The following GFRA1 variants were observed in gnomAD, a reference collection of about 807,000 sequenced individuals.
The protein encoded by GFRA1 is GDNF family receptor alpha 1.
In GFRA1, 16 loss-of-function variants were observed where a neutral mutation model predicts 51.6. The ratio of observed to expected loss-of-function variants is 0.31; its 90% CI spans 0.21 to 0.47. The LOEUF (loss-of-function observed/expected upper bound fraction) is 0.47. Among genes scored for constraint, GFRA1 ranks in the 20% least tolerant of loss-of-function variants. The pLI, the probability that GFRA1 is intolerant of heterozygous loss-of-function variation, is 1.00. For synonymous variants in GFRA1, 270 were observed against 241.3 expected, an observed-to-expected ratio of 1.12 and a Z score of -1.10; for missense variants, 530 against 594.3, an observed-to-expected ratio of 0.89 and a Z score of 1.13.
At chr10:116,269,070 A>C (rs985983643) in intron 4 of GFRA1, among the ~76,000 whole-genome samples, 1 of 152,178 alleles carries the variant, frequency 6.6e-6, no homozygotes, top group Non-Finnish European at 1.5e-5. Flanking sequence ...ATTTTTCAAC[A>C]ATCTAAGATT....
chr10:116,169,602 C>T (rs551875611), intron 5 of GFRA1, among the ~76,000 whole-genome samples: 48 of 152,198 alleles, frequency 3.2e-4, no homozygotes, highest in East Asian at 1.2e-3. Context: ...TCAGAGACTA[C>T]GGTCACAGAA....
At chr10:116,088,057 T>C (rs1301546135) in intron 9 of GFRA1, among the ~76,000 whole-genome samples, 4 of 152,108 alleles carry the variant, frequency 2.6e-5, no homozygotes, top group Admixed American at 6.5e-5. Context: ...GTGTTTTCTG[T>C]GTGTGAGTGT....
chr10:116,112,701 C>A (rs1650386018), intron 6 of GFRA1, among the ~76,000 whole-genome samples: 1 of 152,204 alleles, frequency 6.6e-6, no homozygotes, highest in South Asian at 2.1e-4. Context: ...TCTCTCAGAG[C>A]AAGAAACCAA....
At chr10:116,145,906 T>C (rs1958780468) in intron 5 of GFRA1, among the ~76,000 whole-genome samples, 1 of 152,136 alleles carries the variant, frequency 6.6e-6, no homozygotes, top group Admixed American at 6.6e-5. Flanking sequence ...TATATCAAGA[T>C]GGATAAATCT....
chr10:116,135,146 G>C (rs187988789), intron 5 of GFRA1, among the ~76,000 whole-genome samples: 1 of 152,166 alleles, frequency 6.6e-6, no homozygotes, highest in South Asian at 2.1e-4. Context: ...GTGCCTCATT[G>C]TACATCAGAT....
chr10:116,096,457 G>C (rs117579563), intron 7 of GFRA1, among the ~76,000 whole-genome samples, 198 bp downstream of exon 7: 6 of 151,076 alleles, frequency 4.0e-5, no homozygotes, highest in Admixed American at 1.3e-4. Flanking sequence ...TGCCTTTCAC[G>C]CATCCATTAT....
chr10:116,181,913 G>A (rs1297409997), intron 5 of GFRA1, among the ~76,000 whole-genome samples: 3 of 152,216 alleles, frequency 2.0e-5, no homozygotes, highest in African/African-American at 7.2e-5. Flanking sequence ...AAAGTGCTGG[G>A]ATTACAGGCG....
intron 4 of GFRA1, among the ~76,000 whole-genome samples, chr10:116,218,138 C>T (rs4562724): frequency 0.4 from 61,167 of 151,962 alleles, 13,345 homozygotes; most frequent in East Asian, 0.55. Context: ...TAAGAGGTTG[C>T]GGTTAGAACC....
At chr10:116,091,229 A>G (rs1341089015) in intron 8 of GFRA1, among the ~76,000 whole-genome samples, 1 of 152,164 alleles carries the variant, frequency 6.6e-6, no homozygotes, top group Non-Finnish European at 1.5e-5. Flanking sequence ...CATTCATTCA[A>G]ATGTTAATAG....
chr10:116,127,687 G>A (rs370546242), intron 5 of GFRA1, among the ~76,000 whole-genome samples: 2 of 152,126 alleles, frequency 1.3e-5, no homozygotes, highest in Non-Finnish European at 2.9e-5. Context: ...TGAAATAGTC[G>A]CCATGTGCCC....
chr10:116,072,065 C>G (rs926329519), intron 9 of GFRA1, among the ~76,000 whole-genome samples: 1 of 151,944 alleles, frequency 6.6e-6, no homozygotes, highest in Non-Finnish European at 1.5e-5. Flanking sequence ...CACACCTAAT[C>G]CAAAGGCTTT....
intron 5 of GFRA1, among the ~76,000 whole-genome samples, chr10:116,185,845 C>T (rs185839924): frequency 6.6e-6 from 1 of 152,190 alleles, no homozygotes; most frequent in South Asian, 2.1e-4. Context: ...ATTATTGTCG[C>T]TGTTTTAATT....
intron 5 of GFRA1, among the ~76,000 whole-genome samples, chr10:116,141,736 A>T (rs1958578131): frequency 6.6e-6 from 1 of 152,086 alleles, no homozygotes; most frequent in Non-Finnish European, 1.5e-5. Context: ...GGCACCTGCC[A>T]CCATGCCTGG....
intron 9 of GFRA1, among the ~76,000 whole-genome samples, chr10:116,070,513 T>C (rs1372910321): frequency 6.6e-6 from 1 of 152,192 alleles, no homozygotes; most frequent in African/African-American, 2.4e-5. Flanking sequence ...AAGAAGAGTA[T>C]GTACCTAATT....
At chr10:116,130,128 G>T (rs1393688892) in intron 5 of GFRA1, among the ~76,000 whole-genome samples, 1 of 148,122 alleles carries the variant, frequency 6.8e-6, no homozygotes, top group Admixed American at 6.7e-5. Context: ...AGACATGCAA[G>T]ACCTCTACAC....
At chr10:116,113,842 G>A (rs2694813) in intron 6 of GFRA1, among the ~76,000 whole-genome samples, 1 of 152,146 alleles carries the variant, frequency 6.6e-6, no homozygotes, top group Non-Finnish European at 1.5e-5. Context: ...CCACTTCCAA[G>A]GTTGCTGCAA....
intron 4 of GFRA1, among the ~76,000 whole-genome samples, chr10:116,246,451 A>G (rs935613763): frequency 1.3e-5 from 2 of 152,182 alleles, no homozygotes; most frequent in African/African-American, 4.8e-5. Flanking sequence ...AAATGGAGAA[A>G]CTGTTGGGTC....
chr10:116,089,716 C>A, intron 9 of GFRA1, 25 bp downstream of exon 9: 8 of 1,605,794 alleles, frequency 5.0e-6, no homozygotes, highest in East Asian at 2.2e-5. Context: ...GGAGCCCCAG[C>A]AAGGAATCTG....
chr10:116,181,349 C>A (rs1490539056), intron 5 of GFRA1, among the ~76,000 whole-genome samples: 1 of 152,126 alleles, frequency 6.6e-6, no homozygotes, highest in Admixed American at 6.5e-5. Flanking sequence ...AAAAGATGCA[C>A]CCACAGGACC....
Sources: allele counts gnomAD v4.1 joint callset (sites outside exome capture counted in the v4.1 genomes callset), GRCh38; gene constraint gnomAD v4.1.1; transcripts MANE v1.5; gene names NCBI Gene and HGNC (gene_info 2026-07-23, HGNC 2026-07-21).